ADAM18: variants seen among roughly 807,000 people sequenced by gnomAD.
ADAM18 encodes disintegrin and metalloproteinase domain-containing protein 18.
ADAM18 carries 117 observed loss-of-function variants against 94.4 expected under a neutral mutation model. That is an observed-to-expected ratio of 1.24 (90% CI 1.07 to 1.45). The LOEUF (loss-of-function observed/expected upper bound fraction) is 1.45. ADAM18 is among the 40% of genes most tolerant of loss of function. The probability of loss-of-function intolerance (pLI) is 0.00; values close to 1 mark genes in which losing one functional copy is unlikely to be tolerated. For synonymous variants in ADAM18, 327 were observed against 291.6 expected (o/e 1.12, Z -1.24); for missense variants, 936 against 880.0 (o/e 1.06, Z -0.81).
At chr8:39,660,338 T>C (rs1820802744) in intron 12 of ADAM18, among the ~76,000 whole-genome samples, 1 of 152,150 alleles carries the variant, frequency 6.6e-6, no homozygotes, top group East Asian at 1.9e-4. Flanking sequence ...GATTAAATTA[T>C]ATGCTACATC....
Position 39,730,026 on chromosome 8 carries a change from AT to A in ADAM18, c.*87del. 3 of 1,391,046 alleles carry A rather than the reference AT, an allele frequency of 2.2e-6. No homozygotes were observed. The highest frequency in any genetic ancestry group is 3.1e-6 in the Non-Finnish European group (3 of 983,536). The allele number at this position is 1,391,046 out of a possible 1,614,324, so 86.2% of individuals were successfully genotyped here. A position where few individuals can be genotyped will look rare whatever the true frequency, so the allele number is the denominator to read the frequency against. On this transcript the variant is annotated 3_prime_UTR_variant, in exon 20 of 20. Coordinates refer to ENST00000265707, the MANE Select transcript of ADAM18 (RefSeq NM_014237.3). The stretch of plus-strand genomic sequence containing the variant: ...TTACGTTATCCCCAATGCATTGTAA[AT>A]GTCAAACTTTTGGAAAATAAAGCCT...
chr8:39,635,208 A>G (rs1820044853), intron 7 of ADAM18, among the ~76,000 whole-genome samples: 1 of 152,168 alleles, frequency 6.6e-6, no homozygotes, highest in South Asian at 2.1e-4. Context: ...TCTTTTTTAT[A>G]ATACCCAGTC....
chr8:39,615,760 G>A lies in ADAM18; in HGVS notation c.522+5054G>A, dbSNP rs112362126. Among the ~76,000 whole-genome samples, 14 of 152,262 alleles carry A rather than the reference G, an allele frequency of 9.2e-5. 1 individual carries two copies. The highest frequency in any genetic ancestry group is 3.4e-4 in the African/African-American group (14 of 41,540). Reference sequence around the variant, plus strand: ...AGGCATTCAAATAGGAAGAGAAGAGGTCAATCTCTCTCTCTTCATGGATGA... The same window carrying A: ...AGGCATTCAAATAGGAAGAGAAGAGATCAATCTCTCTCTCTTCATGGATGA... On this transcript the variant is annotated intron_variant, in intron 6 of 19. Coordinates refer to ENST00000265707, the MANE Select transcript of ADAM18 (RefSeq NM_014237.3).
intron 16 of ADAM18, among the ~76,000 whole-genome samples, chr8:39,684,159 GATAA>G (rs1291871699): frequency 1.3e-5 from 2 of 151,836 alleles, no homozygotes; most frequent in African/African-American, 2.4e-5. Context: ...AAAATAAATA[GATAA>G]ATAAGTAAAT....
intron 6 of ADAM18, among the ~76,000 whole-genome samples, chr8:39,627,175 G>A (rs953821889): frequency 7.2e-5 from 11 of 152,210 alleles, no homozygotes; most frequent in African/African-American, 2.6e-4. Flanking sequence ...AGACATACCC[G>A]AGACTGGGTA....
At chr8:39,676,552 A>T (rs1269129228) in intron 14 of ADAM18, among the ~76,000 whole-genome samples, 1 of 152,054 alleles carries the variant, frequency 6.6e-6, no homozygotes, top group Non-Finnish European at 1.5e-5. Flanking sequence ...AGTCTGTCAC[A>T]GCATCCCTTG....
At chr8:39,633,789 A>G (rs1000484525) in intron 7 of ADAM18, among the ~76,000 whole-genome samples, 2 of 151,774 alleles carry the variant, frequency 1.3e-5, no homozygotes, top group Admixed American at 6.6e-5. Flanking sequence ...TTAAAATGGA[A>G]GAAGAATGTA....
chr8:39,659,711 A>G lies in ADAM18; in HGVS notation c.1231-4084A>G, dbSNP rs1001761546. The stretch of plus-strand genomic sequence containing the variant: ...ACTAATAAATTATCAGTAATTAACA[A>G]CAGTCACTAAAAAGCATATCTAATA... On this transcript the variant is annotated intron_variant, in intron 12 of 19. Transcript: ENST00000265707. Among the ~76,000 whole-genome samples the G allele has an allele frequency of 3.9e-5, 6 of 152,140 alleles. No homozygotes were observed. In the South Asian group the frequency reaches 1.0e-3, roughly 26 times the overall value.
chr8:39,680,132 A>G lies in ADAM18; in HGVS notation c.1727A>G (p.His576Arg). ...QSTVYSYIQD[H>R]VCVSIATGSS... ...ACAGTTTATTCATATATTCAAGACC[A>G]TGTATGTGTATCTATAGCCACTGGT... is the stretch of plus-strand genomic sequence containing the variant. Residue 576 changes from histidine (H) to arginine (R), a missense_variant, in exon 16 of 20, where the codon CAT (histidine) becomes CGT (arginine). By Grantham distance (29) the His-to-Arg change is conservative. Transcript: ENST00000265707. 6.2e-7 allele frequency: 1 copy of G among 1,613,894 alleles called. No homozygotes were observed. Among genetic ancestry groups the G allele is most frequent in the Admixed American group, 1.7e-5 (1 of 59,958 alleles).
Position 39,648,348 on chromosome 8 carries a change from GC to G in ADAM18, c.1053del (p.Ser352ValfsTer74). The G allele has an allele frequency of 6.3e-7, 1 of 1,588,798 alleles. No individual in the cohort carries two copies. The highest frequency in any genetic ancestry group is 8.6e-7 in the Non-Finnish European group (1 of 1,168,016). On this transcript the variant is annotated frameshift_variant, in exon 12 of 20. Transcript: ENST00000265707. LOFTEE classifies it high-confidence loss of function. ...TCIMNHEAVS[A>X]SGRKIFSNCS... ...AGGAATATTATTTTATTTTAGGAGT[GC>G]CAGTGGTAGAAAGATTTTTAGCAAC...
chr8:39,601,281 T>G (rs918994302), intron 2 of ADAM18, among the ~76,000 whole-genome samples: 1 of 152,248 alleles, frequency 6.6e-6, no homozygotes, highest in Non-Finnish European at 1.5e-5. Context: ...CACTGTCTTC[T>G]GTCTTCCAGC....
chr8:39,724,618 G>C (rs1304883362), intron 19 of ADAM18, among the ~76,000 whole-genome samples: 1 of 151,532 alleles, frequency 6.6e-6, no homozygotes, highest in Non-Finnish European at 1.5e-5. Context: ...GGATTGGCTA[G>C]TTCTTTTTCT....
chr8:39,681,507 C>T (rs1821457789), intron 16 of ADAM18, among the ~76,000 whole-genome samples: 1 of 152,176 alleles, frequency 6.6e-6, no homozygotes, highest in Admixed American at 6.5e-5. Flanking sequence ...TGTTTAATGT[C>T]ATTAATTTTG....
chr8:39,714,266 A>G (rs1822505806), intron 18 of ADAM18, among the ~76,000 whole-genome samples: 1 of 152,156 alleles, frequency 6.6e-6, no homozygotes. Context: ...AGGGCAGGGA[A>G]CATCACACAC....
chr8:39,676,478 C>T (rs1261804192), intron 14 of ADAM18, among the ~76,000 whole-genome samples: 3 of 152,222 alleles, frequency 2.0e-5, no homozygotes, highest in African/African-American at 7.2e-5. Flanking sequence ...ATCATCTTGT[C>T]TGCCGATTCT....
intron 18 of ADAM18, among the ~76,000 whole-genome samples, chr8:39,711,883 T>G (rs1357302585): frequency 1.3e-5 from 2 of 151,714 alleles, no homozygotes; most frequent in Non-Finnish European, 2.9e-5. Flanking sequence ...TAAAATTTTA[T>G]GAAAATCATA....
At chr8:39,700,990 C>G (rs978641155) in intron 17 of ADAM18, among the ~76,000 whole-genome samples, 1 of 148,600 alleles carries the variant, frequency 6.7e-6, no homozygotes, top group Non-Finnish European at 1.5e-5. Flanking sequence ...TAGTGGCGGG[C>G]GCCTGTAGTC....
At chr8:39,635,028 A>G (rs1243601511) in intron 7 of ADAM18, among the ~76,000 whole-genome samples, 1 of 152,154 alleles carries the variant, frequency 6.6e-6, no homozygotes, top group Non-Finnish European at 1.5e-5. Context: ...ATTAGTGCAC[A>G]AGAACTTCTT....
intron 12 of ADAM18, 121 bp from the exon 13 acceptor site, chr8:39,663,674 A>C: frequency 1.7e-6 from 1 of 586,514 alleles, no homozygotes; most frequent in Non-Finnish European, 2.9e-6. Flanking sequence ...TTGGAATTAT[A>C]CAATTATATT....
Sources: allele counts gnomAD v4.1 joint callset (sites outside exome capture counted in the v4.1 genomes callset), GRCh38; gene constraint gnomAD v4.1.1; transcripts MANE v1.5; gene names NCBI Gene and HGNC (gene_info 2026-07-23, HGNC 2026-07-21).